Variants in GRAMD1B observed in about 807,000 individuals in gnomAD.
GRAMD1B encodes protein Aster-B.
GRAMD1B carries 37 observed loss-of-function variants against 99.7 expected under a neutral mutation model. That is an observed-to-expected ratio of 0.37 (90% confidence interval 0.29 to 0.49). The LOEUF is 0.49. GRAMD1B is among the 20% of genes least tolerant of loss of function. The pLI, the probability that GRAMD1B is intolerant of heterozygous loss-of-function variation, is 0.98. For synonymous variants in GRAMD1B, 427 were observed against 387.6 expected (o/e 1.10, Z -1.19); for missense variants, 888 against 1,009.2 (o/e 0.88, Z 1.63).
intron 2 of GRAMD1B, among the ~76,000 whole-genome samples, chr11:123,558,225 T>C (rs850287): frequency 0.45 from 68,528 of 151,498 alleles, 16,578 homozygotes; most frequent in African/African-American, 0.63. Flanking sequence ...CTCAAGTGAT[T>C]CACCCGCCTC....
intron 2 of GRAMD1B, among the ~76,000 whole-genome samples, chr11:123,546,045 G>C (rs1358759148): frequency 6.6e-6 from 1 of 152,220 alleles, no homozygotes; most frequent in African/African-American, 2.4e-5. Flanking sequence ...TCCCAGGAGG[G>C]CCCAGAAGCC....
At chr11:123,411,009 CTT>C (rs879774512) in intron 1 of GRAMD1B, among the ~76,000 whole-genome samples, 19 of 145,442 alleles carry the variant, frequency 1.3e-4, no homozygotes, top group Non-Finnish European at 1.2e-4. Context: ...AACTTATCTT[CTT>C]TTTTTTTTTT....
At chr11:123,553,464 G>A (rs536684926) in intron 2 of GRAMD1B, among the ~76,000 whole-genome samples, 1 of 152,180 alleles carries the variant, frequency 6.6e-6, no homozygotes, top group East Asian at 1.9e-4. Flanking sequence ...TACTTAAAGG[G>A]TGGCTACCTG....
chr11:123,518,718 T>C (rs1353702243), intron 2 of GRAMD1B, among the ~76,000 whole-genome samples: 2 of 152,190 alleles, frequency 1.3e-5, no homozygotes, highest in Non-Finnish European at 2.9e-5. Context: ...TCACTGGGCA[T>C]GAGGTCTGCG....
intron 3 of GRAMD1B, chr11:123,578,382 A>G (rs1948965523): frequency 6.6e-7 from 1 of 1,518,698 alleles, no homozygotes; most frequent in Non-Finnish European, 8.8e-7. Context: ...CCATTTCCCA[A>G]ATACCTTCTT....
At chr11:123,400,162 A>G (rs1195121196) in intron 1 of GRAMD1B, among the ~76,000 whole-genome samples, 1 of 152,198 alleles carries the variant, frequency 6.6e-6, no homozygotes, top group Non-Finnish European at 1.5e-5. Flanking sequence ...ACAGAACACC[A>G]TAGACCGGAT....
rs902487852 is a variant in GRAMD1B at position 123,610,010 on chromosome 11, G to A, written c.1776+97G>A. On this transcript the variant is annotated intron_variant, in intron 13 of 19. Coordinates refer to ENST00000635736, the MANE Select transcript of GRAMD1B (RefSeq NM_001387025.1). The surrounding 1 kb of genome is among the most constrained non-coding windows in gnomAD (Gnocchi z 4.1). ...AGATGTCAGGAAGAAGTTTCAGGGC[G>A]CAAGTGTCATTTTGCCCCAAAGCGG... The A allele has an allele frequency of 1.2e-5, 10 of 869,364 alleles. No homozygotes were observed. The highest frequency in any genetic ancestry group is 4.3e-5 in the Admixed American group (2 of 47,024). The allele number at this position is 869,364 out of a possible 1,614,324, so 53.9% of individuals were successfully genotyped here.
At chr11:123,533,743 A>G (rs1220410753) in intron 2 of GRAMD1B, among the ~76,000 whole-genome samples, 1 of 152,224 alleles carries the variant, frequency 6.6e-6, no homozygotes, top group African/African-American at 2.4e-5. Flanking sequence ...TATGTTTTAA[A>G]TCTTATAAAC....
At chr11:123,571,839 C>T (rs1340781167) in intron 2 of GRAMD1B, among the ~76,000 whole-genome samples, 1 of 152,104 alleles carries the variant, frequency 6.6e-6, no homozygotes, top group Non-Finnish European at 1.5e-5. Flanking sequence ...TCTCTCCTAC[C>T]GTGCCCTCCT....
At chr11:123,516,222 A>T (rs1565318737) in intron 2 of GRAMD1B, among the ~76,000 whole-genome samples, 1 of 152,222 alleles carries the variant, frequency 6.6e-6, no homozygotes, top group Non-Finnish European at 1.5e-5. Context: ...AAAAGCATTT[A>T]CTGAATAGCG....
intron 1 of GRAMD1B, among the ~76,000 whole-genome samples, chr11:123,389,527 T>G (rs1947199379): frequency 6.6e-6 from 1 of 152,060 alleles, no homozygotes; most frequent in Non-Finnish European, 1.5e-5. Context: ...TGAGAAAATG[T>G]AATGCAGCGT....
At chr11:123,362,694 T>C (rs1946185039) in intron 1 of GRAMD1B, among the ~76,000 whole-genome samples, 1 of 152,168 alleles carries the variant, frequency 6.6e-6, no homozygotes, top group African/African-American at 2.4e-5. Context: ...TCATCTGCCA[T>C]CCAATCTAAT....
intron 1 of GRAMD1B, among the ~76,000 whole-genome samples, chr11:123,436,607 T>C (rs529446487): frequency 3.3e-4 from 51 of 152,310 alleles, no homozygotes; most frequent in South Asian, 3.3e-3. Context: ...AGAGACACTC[T>C]CAAAGTGTTG....
At chr11:123,478,584 T>G (rs1565533226) in intron 1 of GRAMD1B, among the ~76,000 whole-genome samples, 1 of 152,208 alleles carries the variant, frequency 6.6e-6, no homozygotes, top group Non-Finnish European at 1.5e-5. Context: ...AAGTCTACAG[T>G]GCCATCTAGT....
chr11:123,476,496 T>C (rs988094638), intron 1 of GRAMD1B, among the ~76,000 whole-genome samples: 4 of 149,084 alleles, frequency 2.7e-5, no homozygotes, highest in African/African-American at 1.0e-4. Flanking sequence ...GGAAAGATCC[T>C]GTATATACCC....
chr11:123,450,096 G>A (rs12421839), intron 1 of GRAMD1B, among the ~76,000 whole-genome samples: 59,732 of 151,820 alleles, frequency 0.39, 12,434 homozygotes, highest in African/African-American at 0.53. Context: ...AGAGTGATCA[G>A]TCTTTCCCAA....
chr11:123,417,748 A>G (rs1446437937), intron 1 of GRAMD1B, among the ~76,000 whole-genome samples: 1 of 152,082 alleles, frequency 6.6e-6, no homozygotes, highest in East Asian at 1.9e-4. Flanking sequence ...ACCAGCCTGG[A>G]CAACATGGAG....
At chr11:123,383,985 C>T (rs959983239) in intron 1 of GRAMD1B, among the ~76,000 whole-genome samples, 13 of 152,174 alleles carry the variant, frequency 8.5e-5, no homozygotes, top group African/African-American at 3.1e-4. Flanking sequence ...ATTCTCTTGC[C>T]TTAGCCTCCT....
intron 2 of GRAMD1B, among the ~76,000 whole-genome samples, chr11:123,551,992 C>T (rs911665854): frequency 3.9e-5 from 6 of 152,166 alleles, no homozygotes; most frequent in Non-Finnish European, 7.3e-5. Context: ...AATTTATCCT[C>T]GTTTTCCCCA....
Sources: gnomAD v4.1 joint callset for allele counts (sites outside exome capture counted in the v4.1 genomes callset) on GRCh38, gnomAD v4.1.1 for gene constraint, Gnocchi (gnomAD v3.1) non-coding constraint, MANE v1.5 for transcripts, NCBI Gene and HGNC (gene_info 2026-07-23, HGNC 2026-07-21) for gene names.